Variants in ZMYND8 observed in about 807,000 individuals in gnomAD.
The protein encoded by ZMYND8 is zinc finger MYND-type containing 8.
A neutral mutation model predicts 140.8 loss-of-function variants in ZMYND8; 37 were observed. The observed-to-expected ratio is 0.26, with a 90% CI of 0.20 to 0.35. ZMYND8 has a LOEUF of 0.35. ZMYND8 is among the 10% of genes least tolerant of loss of function. ZMYND8 has a pLI of 1.00. For synonymous variants in ZMYND8, 592 were observed against 597.1 expected, an observed-to-expected ratio of 0.99 and a Z score of 0.12; for missense variants, 1,068 against 1,570.0, an observed-to-expected ratio of 0.68 and a Z score of 5.40.
intron 22 of ZMYND8, among the ~76,000 whole-genome samples, chr20:47,211,978 G>A (rs2035333651): frequency 6.6e-6 from 1 of 152,224 alleles, no homozygotes; most frequent in South Asian, 2.1e-4. Context: ...ATGTGCATCA[G>A]TGACCAAAAG....
intron 2 of ZMYND8, among the ~76,000 whole-genome samples, chr20:47,312,084 T>C (rs539901405): frequency 4.3e-4 from 66 of 151,912 alleles, no homozygotes; most frequent in African/African-American, 1.5e-3. Context: ...ATAGGGGGGA[T>C]GGGGTGGGAT....
intron 17 of ZMYND8, among the ~76,000 whole-genome samples, chr20:47,227,774 G>A (rs563745344): frequency 1.1e-3 from 166 of 152,164 alleles, no homozygotes; most frequent in Middle Eastern, 0.01. Flanking sequence ...AAACAAACTC[G>A]ACCTGATCTG....
intron 12 of ZMYND8, among the ~76,000 whole-genome samples, chr20:47,258,455 G>A (rs1488829064): frequency 6.6e-6 from 1 of 152,166 alleles, no homozygotes; most frequent in Non-Finnish European, 1.5e-5. Context: ...ACAGTCCTAT[G>A]AGTCGTAACA....
intron 18 of ZMYND8, 102 bp from the exon 19 acceptor site, chr20:47,224,658 G>A: frequency 6.4e-7 from 1 of 1,557,186 alleles, no homozygotes; most frequent in Admixed American, 1.7e-5. Flanking sequence ...GCAAGACCTG[G>A]CTGGGAGAAG....
At chr20:47,270,697 G>GAAAAAAAAAAAAAAAAAAAAAA (rs34474269) in intron 11 of ZMYND8, among the ~76,000 whole-genome samples, 1 of 86,634 alleles carries the variant, frequency 1.2e-5, no homozygotes, top group Non-Finnish European at 2.1e-5. Flanking sequence ...CCCTGTCTCT[G>GAAAAAAAAAAAAAAAAAAAAAA]AAAAAAAAAA....
intron 4 of ZMYND8, 62 bp from the exon 5 acceptor site, chr20:47,294,841 T>A (rs537944788): frequency 3.4e-6 from 5 of 1,461,630 alleles, no homozygotes; most frequent in Non-Finnish European, 4.8e-6. Context: ...ATCCATGTAC[T>A]GATTTCTATT....
At chr20:47,237,743 C>T (rs940062478) in intron 15 of ZMYND8, 4 of 152,122 alleles carry the variant, frequency 2.6e-5, no homozygotes, top group Non-Finnish European at 5.9e-5. Context: ...CTCACAGGGG[C>T]GCATTCACTA....
Position 47,229,814 on chromosome 20 carries a change from A to G in ZMYND8, c.2857-8T>C. 6.2e-7 allele frequency: 1 copy of G among 1,607,846 alleles called. No homozygotes were observed. The highest frequency in any genetic ancestry group is 8.5e-7 in the Non-Finnish European group (1 of 1,176,012). On this transcript the variant is annotated splice_region_variant and splice_polypyrimidine_tract_variant and intron_variant, in intron 16 of 22. Transcript: ENST00000471951. ...TTTTATTGCATCCATCATCTGAAAG[A>G]TAAAAACAGAAACAATTCAGCTGAT...
chr20:47,258,271 T>C (rs2074904290), intron 12 of ZMYND8, among the ~76,000 whole-genome samples: 1 of 152,264 alleles, frequency 6.6e-6, no homozygotes, highest in African/African-American at 2.4e-5. Context: ...CAGACAGGCC[T>C]GGGCCTGAAG....
intron 1 of ZMYND8, chr20:47,354,482 C>A (rs1224789140): frequency 6.6e-6 from 1 of 152,134 alleles, no homozygotes; most frequent in African/African-American, 2.4e-5. Flanking sequence ...GGGGCAGTGG[C>A]ACTGTTCAGT....
In ZMYND8 at chr20:47,242,915, G is replaced by A. The variant is rs76214396; in HGVS notation, c.2284+3093C>T. On this transcript the variant is annotated intron_variant, in intron 14 of 22. Coordinates refer to ENST00000471951, the MANE Select transcript of ZMYND8 (RefSeq NM_001281775.3). ...AAAAGGGTGAATTTTTTTTTAAAGGGTCAGCACCTGAGAAGCTGCCCTATC... is the reference window on the plus strand; with the variant it reads ...AAAAGGGTGAATTTTTTTTTAAAGGATCAGCACCTGAGAAGCTGCCCTATC... Among the ~76,000 whole-genome samples, 1,090 of 152,118 alleles carry A rather than the reference G, an allele frequency of 7.2e-3. 14 individuals are homozygous for A. Among genetic ancestry groups the A allele is most frequent in the African/African-American group, 0.025 (1,024 of 41,496 alleles).
intron 6 of ZMYND8, among the ~76,000 whole-genome samples, chr20:47,290,914 T>A (rs953733136): frequency 2.0e-5 from 3 of 152,122 alleles, no homozygotes; most frequent in Non-Finnish European, 4.4e-5. Flanking sequence ...CATATATTTA[T>A]ACATTATTTA....
chr20:47,288,639 C>T (rs979086195), intron 7 of ZMYND8, among the ~76,000 whole-genome samples: 11 of 152,068 alleles, frequency 7.2e-5, no homozygotes, highest in Admixed American at 5.9e-4. Flanking sequence ...GTGATCCGCC[C>T]GCCTCAGCTT....
At chr20:47,243,365 G>A (rs1386455892) in intron 14 of ZMYND8, among the ~76,000 whole-genome samples, 1 of 152,236 alleles carries the variant, frequency 6.6e-6, no homozygotes, top group Non-Finnish European at 1.5e-5. Context: ...GCCTTAGGAA[G>A]CTGCTCTAAC....
chr20:47,289,797 T>A (rs573006518), intron 7 of ZMYND8, among the ~76,000 whole-genome samples: 33 of 152,350 alleles, frequency 2.2e-4, no homozygotes, highest in African/African-American at 7.7e-4. Flanking sequence ...AAGTGGTTCC[T>A]GTTGAGAGTG....
In ZMYND8 at chr20:47,210,795, G is replaced by A. The variant is rs767520078; in HGVS notation, c.3671C>T (p.Pro1224Leu). ...GAAGGTGTCCAGCCGAGACTCTTTC[G>A]GGAGGAGGCTCTTCGTGCTGGTACT... ...NTSTSTKSLL[P>L]KESRLDTFWD The change falls in exon 23 of 23, where the codon CCG becomes CTG. Residue 1224 changes from proline (P) to leucine (L), a missense_variant. Around this residue, in one of 10 missense-constraint regions of ZMYND8, gnomAD observed 180 missense variants for 187.8 expected, o/e 0.96. Coordinates refer to ENST00000471951, the MANE Select transcript of ZMYND8 (RefSeq NM_001281775.3). 11 of 1,613,970 alleles carry A rather than the reference G, an allele frequency of 6.8e-6. No individual in the cohort carries two copies. Among genetic ancestry groups the A allele is most frequent in the East Asian group, 4.5e-5 (2 of 44,878 alleles).
At chr20:47,319,044 G>A in intron 2 of ZMYND8, 1 of 1,349,840 alleles carries the variant, frequency 7.4e-7, no homozygotes, top group Non-Finnish European at 9.8e-7. Flanking sequence ...CCTGCTTCCG[G>A]ATCCTCAGCG....
chr20:47,355,994 C>T (rs544677174), intron 1 of ZMYND8, among the ~76,000 whole-genome samples: 1 of 152,190 alleles, frequency 6.6e-6, no homozygotes, highest in Admixed American at 6.5e-5. Context: ...AGTGCAGAAG[C>T]TCTGTAGAAT....
chr20:47,214,340 G>A (rs140025067), intron 21 of ZMYND8, among the ~76,000 whole-genome samples: 24 of 152,292 alleles, frequency 1.6e-4, no homozygotes, highest in Admixed American at 1.2e-3. Context: ...AGACCTCTGC[G>A]GCCTCCCTGC....
Sources: allele counts gnomAD v4.1 joint callset (sites outside exome capture counted in the v4.1 genomes callset), GRCh38; gene constraint gnomAD v4.1.1; regional missense constraint gnomAD v4.1.1; transcripts MANE v1.5; gene names NCBI Gene and HGNC (gene_info 2026-07-23, HGNC 2026-07-21).